Variants in ZNF831 observed in about 807,000 individuals in gnomAD.
ZNF831 encodes zinc finger protein 831, also known as chromosome 20 open reading frame 174.
In ZNF831, 59 loss-of-function variants were observed where a neutral mutation model predicts 95.8. The ratio of observed to expected loss-of-function variants is 0.62; its 90% CI spans 0.50 to 0.77. The LOEUF (loss-of-function observed/expected upper bound fraction) is 0.77. ZNF831 is among the 30% of genes least tolerant of loss of function. The probability of loss-of-function intolerance (pLI) is 0.00; values close to 1 mark genes in which losing one functional copy is unlikely to be tolerated. For synonymous variants in ZNF831, 961 were observed against 925.5 expected (o/e 1.04, Z -0.70); for missense variants, 2,205 against 2,164.0 (o/e 1.02, Z -0.38).
chr20:59,176,511 G>A (rs1982174674), intron 1 of ZNF831, among the ~76,000 whole-genome samples: 1 of 152,172 alleles, frequency 6.6e-6, no homozygotes, highest in African/African-American at 2.4e-5. Context: ...AGAAATTTGA[G>A]GAACATGATC....
At chr20:59,252,083 T>A (rs1987918698) in intron 4 of ZNF831, among the ~76,000 whole-genome samples, 1 of 152,154 alleles carries the variant, frequency 6.6e-6, no homozygotes, top group Non-Finnish European at 1.5e-5. Context: ...TCACAGCTAC[T>A]ACTTCCACAA....
intron 1 of ZNF831, among the ~76,000 whole-genome samples, chr20:59,185,088 A>T (rs1222672868): frequency 6.6e-6 from 1 of 152,146 alleles, no homozygotes; most frequent in Admixed American, 6.5e-5. Context: ...TCGCTCAAAG[A>T]GGTAAGCCTT....
rs1157890200 is a variant in ZNF831, at chr20:59,246,871, GCCTGT to G, written c.4028-6106_4028-6102del. ...CTGGTCCTCTCCCCCAACCCTCCCT[GCCTGT>G]GCAGCTGAAGTCGGAGCTGCTTCTC... On this transcript the variant is annotated intron_variant, in intron 4 of 5. Transcript: ENST00000371030. 5.9e-5 allele frequency among the ~76,000 whole-genome samples: 9 copies of G among 152,284 alleles called. No individual in the cohort carries two copies. In the South Asian group the frequency reaches 6.2e-4, roughly 11 times the overall value.
At chr20:59,134,218 C>T (rs894487553) in intron 1 of ZNF831, among the ~76,000 whole-genome samples, 3 of 152,198 alleles carry the variant, frequency 2.0e-5, no homozygotes, top group Non-Finnish European at 4.4e-5. Flanking sequence ...TCCTGCTCTC[C>T]CTCCCTACCA....
chr20:59,200,117 C>T (rs1984420388), intron 3 of ZNF831, among the ~76,000 whole-genome samples: 1 of 152,074 alleles, frequency 6.6e-6, no homozygotes, highest in African/African-American at 2.4e-5. Context: ...TCTCTGGCTA[C>T]CTTTAAGATC....
chr20:59,240,931 G>A lies in ZNF831; in HGVS notation c.4028-12047G>A, dbSNP rs576661710. 3.9e-4 allele frequency among the ~76,000 whole-genome samples: 60 copies of A among 152,148 alleles called. No homozygotes were observed. In the South Asian group the frequency reaches 6.0e-3, roughly 15 times the overall value. ...TTTTCAGGTAAGCTTTTGGGTTTGT[G>A]TGTAACTGAGCTTGTAAATTTTTAA... On this transcript the variant is annotated intron_variant, in intron 4 of 5. Coordinates refer to ENST00000371030, the MANE Select transcript of ZNF831 (RefSeq NM_178457.3).
At chr20:59,146,033 G>A (rs1001910116) in intron 1 of ZNF831, among the ~76,000 whole-genome samples, 4 of 152,024 alleles carry the variant, frequency 2.6e-5, no homozygotes, top group Non-Finnish European at 4.4e-5. Context: ...TGTAGCTGCC[G>A]CCGCCCACAC....
chr20:59,192,226 C>G lies in ZNF831; in HGVS notation c.1207C>G (p.Arg403Gly), dbSNP rs746146691. The G allele has an allele frequency of 3.1e-6, 5 of 1,591,284 alleles. No individual in the cohort carries two copies. Among genetic ancestry groups the G allele is most frequent in the Non-Finnish European group, 1.7e-6 (2 of 1,169,872 alleles). The change falls in exon 2 of 6, where the codon CGG (arginine) becomes GGG (glycine). Residue 403 changes from arginine to glycine, a missense_variant. Transcript: ENST00000371030. This position sits in a 1 kb window ranked among gnomAD's most constrained non-coding sequence, Gnocchi z 5.2. ...REAGLELEKK[R>G]LEERIAQLIS... ...AGCCGGCCTGGAGCTGGAGAAGAAG[C>G]GGCTGGAGGAGCGCATCGCCCAGCT...
chr20:59,193,261 C>G lies in ZNF831; in HGVS notation c.2242C>G (p.Leu748Val), dbSNP rs2146579969. The change falls in exon 2 of 6, where the codon CTG becomes GTG. Residue 748 changes from leucine (L) to valine (V), a missense_variant. By Grantham distance (32) the Leu-to-Val change is conservative. Coordinates refer to ENST00000371030, the MANE Select transcript of ZNF831 (RefSeq NM_178457.3). ...DSPCSGSRSP[L>V]VSPNGRLELG... ...TCCCTGTTCAGGCAGTAGGAGCCCCCTGGTCTCTCCAAATGGGAGGCTGGA... is the reference window on the plus strand; with the variant it reads ...TCCCTGTTCAGGCAGTAGGAGCCCCGTGGTCTCTCCAAATGGGAGGCTGGA... 1 of 1,607,682 alleles carries G rather than the reference C, an allele frequency of 6.2e-7. No individual in the cohort carries two copies. Among genetic ancestry groups the G allele is most frequent in the Non-Finnish European group, 8.5e-7 (1 of 1,177,134 alleles).
chr20:59,207,138 G>A, intron 4 of ZNF831, 82 bp downstream of exon 4: 1 of 1,537,076 alleles, frequency 6.5e-7, no homozygotes, highest in Non-Finnish European at 8.8e-7. Context: ...ATTTGGGATG[G>A]GCAGGAGTCA....
At chr20:59,201,289 C>T (rs576636650) in intron 3 of ZNF831, among the ~76,000 whole-genome samples, 13 of 152,202 alleles carry the variant, frequency 8.5e-5, no homozygotes, top group East Asian at 5.8e-4. Context: ...TCTTCTCTGG[C>T]GAAGTGTCTC....
At chr20:59,148,710 AAAAAAAAAAAAAAAG>A (rs1980037101) in intron 2 of ZNF831, among the ~76,000 whole-genome samples, 1 of 83,256 alleles carries the variant, frequency 1.2e-5, no homozygotes, top group Non-Finnish European at 2.8e-5. Flanking sequence ...AAAAAAAAAA[AAAAAAAAAAAAAAAG>A]AACAGAGCGT....
At chr20:59,206,608 G>A (rs1306966806) in intron 3 of ZNF831, among the ~76,000 whole-genome samples, 1 of 152,232 alleles carries the variant, frequency 6.6e-6, no homozygotes, top group African/African-American at 2.4e-5. Context: ...TCAAGACCAC[G>A]TAGCTTAAAA....
chr20:59,151,044 C>T (rs1339425567), intron 2 of ZNF831, among the ~76,000 whole-genome samples: 1 of 152,168 alleles, frequency 6.6e-6, no homozygotes, highest in East Asian at 1.9e-4. Flanking sequence ...CATGGGTTTC[C>T]GATAGTGCAG....
In ZNF831 at chr20:59,193,378, G is replaced by A. The variant is rs774960989; in HGVS notation, c.2359G>A (p.Gly787Arg). ...RPVWPDPKLE[G>R]GARGVGDVQE... ...AGTTTGGCCGGACCCCAAGCTGGAA[G>A]GAGGTGCCCGAGGTGTGGGGGATGT... The change falls in exon 2 of 6, where the codon GGA (glycine) becomes AGA (arginine). Residue 787 changes from glycine to arginine, a missense_variant. Physicochemically the swap from Gly to Arg is moderately radical, Grantham distance 125. Transcript: ENST00000371030. The A allele has an allele frequency of 1.9e-6, 3 of 1,606,880 alleles. No individual in the cohort carries two copies. The highest frequency in any genetic ancestry group is 2.6e-6 in the Non-Finnish European group (3 of 1,176,426).
intron 2 of ZNF831, among the ~76,000 whole-genome samples, chr20:59,152,356 T>A (rs570294860): frequency 6.6e-6 from 1 of 151,858 alleles, no homozygotes; most frequent in Admixed American, 6.6e-5. Flanking sequence ...CCAGAGGCCT[T>A]GGTTGAGGAG....
intron 1 of ZNF831, among the ~76,000 whole-genome samples, chr20:59,171,110 G>C (rs768308412): frequency 4.6e-5 from 7 of 152,194 alleles, no homozygotes; most frequent in Admixed American, 2.0e-4. Flanking sequence ...CTGGGCTGAG[G>C]CTGCAAGGTT....
rs770267526 is a variant in ZNF831 at position 59,191,016 on chromosome 20, C to T, written c.-4C>T. ...AGCATTGTGGGCCATCCAGATGATGCGGAATGGAGGTTCCAGAACCCACCT... is the reference window on the plus strand; with the variant it reads ...AGCATTGTGGGCCATCCAGATGATGTGGAATGGAGGTTCCAGAACCCACCT... On this transcript the variant is annotated 5_prime_UTR_variant, in exon 2 of 6. Transcript: ENST00000371030. The T allele has an allele frequency of 6.2e-5, 91 of 1,475,158 alleles. No homozygotes were observed. Among genetic ancestry groups the T allele is most frequent in the Non-Finnish European group, 7.5e-5 (84 of 1,121,298 alleles). 91.4% of individuals were successfully genotyped at this position (1,475,158 alleles called of 1,614,324 possible).
chr20:59,185,151 G>C (rs942688422), intron 1 of ZNF831, among the ~76,000 whole-genome samples: 6 of 152,076 alleles, frequency 3.9e-5, no homozygotes, highest in Non-Finnish European at 5.9e-5. Flanking sequence ...CAGTCCAATG[G>C]GGACAATAGG....
Sources: gnomAD v4.1 joint callset for allele counts (sites outside exome capture counted in the v4.1 genomes callset) on GRCh38, gnomAD v4.1.1 for gene constraint, Gnocchi (gnomAD v3.1) non-coding constraint, MANE v1.5 for transcripts, NCBI Gene and HGNC (gene_info 2026-07-23, HGNC 2026-07-21) for gene names.